VEPH1: variants seen among roughly 807,000 people sequenced by gnomAD.
VEPH1 encodes the protein ventricular zone expressed PH domain containing 1, also known as ventricular zone-expressed PH domain-containing protein homolog 1.
Under a neutral mutation model 85.2 loss-of-function variants are expected in VEPH1, and 80 were observed. That is an observed-to-expected ratio of 0.94 (90% CI 0.78 to 1.13). The LOEUF is 1.13. VEPH1 is among the 50% of genes most tolerant of loss of function. The pLI, the probability that VEPH1 is intolerant of heterozygous loss-of-function variation, is 0.00. For synonymous variants in VEPH1, 297 were observed against 348.0 expected, an observed-to-expected ratio of 0.85 and a Z score of 1.63; for missense variants, 955 against 980.5, an observed-to-expected ratio of 0.97 and a Z score of 0.35.
At chr3:157,320,891 G>A (rs1721274662) in intron 9 of VEPH1, among the ~76,000 whole-genome samples, 2 of 151,966 alleles carry the variant, frequency 1.3e-5, no homozygotes, top group Admixed American at 6.6e-5. Flanking sequence ...CCTCCTCCAC[G>A]ATGCCATTTA....
At chr3:157,492,975 G>C (rs983344494) in intron 2 of VEPH1, among the ~76,000 whole-genome samples, 1 of 152,044 alleles carries the variant, frequency 6.6e-6, no homozygotes, top group African/African-American at 2.4e-5. Context: ...ACCCCCTGCT[G>C]ATATCTTTCT....
At chr3:157,271,733 A>G (rs1714579872) in intron 12 of VEPH1, among the ~76,000 whole-genome samples, 2 of 152,174 alleles carry the variant, frequency 1.3e-5, no homozygotes, top group Admixed American at 6.6e-5. Flanking sequence ...CAATCACTAC[A>G]TGGCAGCCTG....
chr3:157,385,690 G>C (rs982116280), intron 6 of VEPH1, among the ~76,000 whole-genome samples: 1 of 152,122 alleles, frequency 6.6e-6, no homozygotes, highest in African/African-American at 2.4e-5. Flanking sequence ...AGTTAGAAAA[G>C]GGAAGACTAT....
intron 9 of VEPH1, among the ~76,000 whole-genome samples, chr3:157,319,998 C>G (rs1021188005): frequency 6.6e-6 from 1 of 152,076 alleles, no homozygotes; most frequent in Non-Finnish European, 1.5e-5. Context: ...TCAGAGCTTT[C>G]TTGGCTTGCA....
At chr3:157,459,829 C>A in intron 4 of VEPH1, 1 of 1,502,354 alleles carries the variant, frequency 6.7e-7, no homozygotes, top group Non-Finnish European at 8.9e-7. Context: ...TTTTTCATAC[C>A]CCACTGAGTG....
At chr3:157,311,223 C>T (rs1720074630) in intron 11 of VEPH1, among the ~76,000 whole-genome samples, 1 of 152,204 alleles carries the variant, frequency 6.6e-6, no homozygotes, top group East Asian at 1.9e-4. Context: ...AAAAAGCAAC[C>T]ACAATAACAA....
At position 157,413,952 on chromosome 3, in the gene VEPH1, T is replaced by A; in HGVS notation, c.835A>T (p.Ile279Phe). 6.2e-7 allele frequency: 1 copy of A among 1,613,620 alleles called. No homozygotes were observed. The highest frequency in any genetic ancestry group is 8.5e-7 in the Non-Finnish European group (1 of 1,179,740). Residue 279 changes from isoleucine to phenylalanine, a missense_variant, in exon 6 of 14, where the codon ATT becomes TTT. Physicochemically the swap from Ile to Phe is conservative, Grantham distance 21 (BLOSUM62 0). Transcript: ENST00000362010. ...LNSFLPMLKEIGERFPYLTGQ... is the reference protein window; with the variant it reads ...LNSFLPMLKEFGERFPYLTGQ... Reference sequence around the variant, plus strand: ...GTGAGGTAGGGGAATCTCTCACCAATCTCTTTCAGCATTGGAAGAAAACTG... The same window carrying A: ...GTGAGGTAGGGGAATCTCTCACCAAACTCTTTCAGCATTGGAAGAAAACTG...
intron 6 of VEPH1, among the ~76,000 whole-genome samples, chr3:157,395,866 C>G (rs895392710): frequency 2.0e-5 from 3 of 152,072 alleles, no homozygotes; most frequent in African/African-American, 7.2e-5. Context: ...CCTCTTCCCA[C>G]CCTCCCGCCT....
intron 7 of VEPH1, among the ~76,000 whole-genome samples, chr3:157,370,931 TA>T (rs1163674441): frequency 6.6e-6 from 1 of 152,224 alleles, no homozygotes; most frequent in South Asian, 2.1e-4. Context: ...TTTTGTTATA[TA>T]AAAATGGGAT....
At chr3:157,283,094 AT>A (rs1468577103) in intron 12 of VEPH1, among the ~76,000 whole-genome samples, 1 of 152,240 alleles carries the variant, frequency 6.6e-6, no homozygotes, top group Non-Finnish European at 1.5e-5. Context: ...AGAGTAAGTC[AT>A]CGAGGAAGTA....
chr3:157,480,020 CTCTT>C (rs1328742238), intron 2 of VEPH1, among the ~76,000 whole-genome samples: 12 of 136,436 alleles, frequency 8.8e-5, no homozygotes, highest in African/African-American at 2.8e-4. Flanking sequence ...TCTTTCTTTT[CTCTT>C]TCTTTCATTC....
At chr3:157,483,751 T>A (rs186200529) in intron 2 of VEPH1, among the ~76,000 whole-genome samples, 119 of 152,228 alleles carry the variant, frequency 7.8e-4, no homozygotes, top group African/African-American at 2.8e-3. Flanking sequence ...TAGGACAGAA[T>A]ACGACGGATA....
chr3:157,450,552 C>G (rs1307759642), intron 4 of VEPH1, among the ~76,000 whole-genome samples: 1 of 150,726 alleles, frequency 6.6e-6, no homozygotes, highest in Non-Finnish European at 1.5e-5. Flanking sequence ...TCTACTGTTC[C>G]ACTATATGTA....
chr3:157,416,936 G>A (rs1276698220), intron 5 of VEPH1, among the ~76,000 whole-genome samples: 1 of 151,888 alleles, frequency 6.6e-6, no homozygotes, highest in Non-Finnish European at 1.5e-5. Flanking sequence ...AAAGAAGAGA[G>A]AAAAGGAAAG....
At chr3:157,441,132 G>A (rs1560064550) in intron 4 of VEPH1, among the ~76,000 whole-genome samples, 1 of 152,194 alleles carries the variant, frequency 6.6e-6, no homozygotes, top group Non-Finnish European at 1.5e-5. Context: ...CTCATTAGTA[G>A]TAACACCATC....
chr3:157,438,035 G>GCT, intron 4 of VEPH1: 1 of 701,790 alleles, frequency 1.4e-6, no homozygotes, highest in Non-Finnish European at 2.1e-6. Flanking sequence ...GCGCGCGCGC[G>GCT]CGCACACACA....
chr3:157,471,776 AT>A (rs1736982817), intron 2 of VEPH1, among the ~76,000 whole-genome samples: 2 of 150,904 alleles, frequency 1.3e-5, no homozygotes, highest in South Asian at 4.2e-4. Context: ...TTAAGTGAAT[AT>A]TTGACATTTG....
rs188263019 is a variant in VEPH1, at chr3:157,352,875, G to A, written c.1735+10489C>T. On this transcript the variant is annotated intron_variant, in intron 9 of 13. Coordinates refer to ENST00000362010, the MANE Select transcript of VEPH1 (RefSeq NM_001167912.2). ...GTTTAAACATTCTTCAGGAAGGCTA[G>A]TGTGTGAAGCCAGCTACATCAGGGT... Among the ~76,000 whole-genome samples the A allele has an allele frequency of 2.1e-3, 320 of 152,334 alleles. 1 individual carries two copies. Among genetic ancestry groups the A allele is most frequent in the African/African-American group, 7.3e-3 (304 of 41,576 alleles).
At chr3:157,326,275 T>C (rs10936080) in intron 9 of VEPH1, among the ~76,000 whole-genome samples, 33,933 of 152,148 alleles carry the variant, frequency 0.22, 4,624 homozygotes, top group Admixed American at 0.41. Context: ...TGTTTTTCTT[T>C]TTTGCCTTCT....
Sources: gnomAD v4.1 joint callset for allele counts (sites outside exome capture counted in the v4.1 genomes callset) on GRCh38, gnomAD v4.1.1 for gene constraint, MANE v1.5 for transcripts, NCBI Gene and HGNC (gene_info 2026-07-23, HGNC 2026-07-21) for gene names.